ANAPC10: variants seen among roughly 807,000 people sequenced by gnomAD.
ANAPC10 encodes the protein anaphase promoting complex subunit 10, also known as anaphase-promoting complex subunit 10.
In ANAPC10, 12 loss-of-function variants were observed where a neutral mutation model predicts 22.0. The observed-to-expected ratio is 0.55, with a 90% CI of 0.35 to 0.88. The LOEUF is 0.88. ANAPC10 is among the 40% of genes least tolerant of loss of function. ANAPC10 has a pLI of 0.01. For synonymous variants in ANAPC10, 65 were observed against 69.5 expected (o/e 0.94, Z 0.32); for missense variants, 188 against 220.9 (o/e 0.85, Z 0.94).
chr4:145,088,440 A>T (rs1747207958), intron 2 of ANAPC10, among the ~76,000 whole-genome samples: 1 of 152,156 alleles, frequency 6.6e-6, no homozygotes, highest in Non-Finnish European at 1.5e-5. Flanking sequence ...TAAATTATTT[A>T]TTTTTTGACC....
chr4:145,072,679 T>TA (rs1169864359), intron 3 of ANAPC10, among the ~76,000 whole-genome samples: 1 of 152,168 alleles, frequency 6.6e-6, no homozygotes, highest in Non-Finnish European at 1.5e-5. Context: ...TCTCAAGTGC[T>TA]AAAAAAATCT....
chr4:145,056,876 A>G (rs1220222017), intron 4 of ANAPC10, among the ~76,000 whole-genome samples: 1 of 152,144 alleles, frequency 6.6e-6, no homozygotes, highest in Non-Finnish European at 1.5e-5. Context: ...CTATTGAATC[A>G]TATCCTGTCA....
At chr4:145,093,126 G>A (rs1042855673) in intron 2 of ANAPC10, among the ~76,000 whole-genome samples, 1 of 152,202 alleles carries the variant, frequency 6.6e-6, no homozygotes, top group African/African-American at 2.4e-5. Context: ...TAGGGCAAGA[G>A]CATGGCAAGA....
In ANAPC10 at chr4:145,096,157, T is replaced by C. The variant is rs1489171950; in HGVS notation, c.-12-46A>G. ...CACACATTGTATCAGGAACTGGGCA[T>C]CTTTCTACAAAAGTTTTTTACCAAG... On this transcript the variant is annotated intron_variant, in intron 1 of 4. Transcript: ENST00000507656. The C allele has an allele frequency of 1.9e-6, 3 of 1,578,612 alleles. No individual in the cohort carries two copies. In the African/African-American group the frequency reaches 4.1e-5, roughly 22 times the overall value.
chr4:145,095,456 C>T (rs1444365736), intron 2 of ANAPC10, among the ~76,000 whole-genome samples: 1 of 152,172 alleles, frequency 6.6e-6, no homozygotes, highest in Non-Finnish European at 1.5e-5. Flanking sequence ...TGACCGTTAG[C>T]CATCAACATC....
chr4:145,040,597 T>C lies in ANAPC10; in HGVS notation c.327+23975A>G, dbSNP rs146875163. 1.6e-3 allele frequency among the ~76,000 whole-genome samples: 248 copies of C among 152,350 alleles called. 1 individual carries two copies. The highest frequency in any genetic ancestry group is 5.6e-3 in the African/African-American group (231 of 41,584). On this transcript the variant is annotated intron_variant, in intron 4 of 4. Coordinates refer to ENST00000507656, the MANE Select transcript of ANAPC10 (RefSeq NM_001256706.2). ...CATCATATCTCCAATTTATAGTTAA[T>C]TTATAGGTAACTGAAGTTCATAGAA...
chr4:145,006,804 G>C (rs1169716921), intron 4 of ANAPC10, among the ~76,000 whole-genome samples: 2 of 151,852 alleles, frequency 1.3e-5, no homozygotes, highest in Non-Finnish European at 2.9e-5. Flanking sequence ...GTCCTGTTTT[G>C]TTGCCTCTGT....
intron 4 of ANAPC10, among the ~76,000 whole-genome samples, chr4:145,017,351 C>G (rs1735330485): frequency 6.6e-6 from 1 of 152,118 alleles, no homozygotes; most frequent in Non-Finnish European, 1.5e-5. Context: ...TTTATGCAGT[C>G]AACAGACACA....
chr4:145,069,296 T>C (rs906354461), intron 3 of ANAPC10, among the ~76,000 whole-genome samples: 3 of 150,264 alleles, frequency 2.0e-5, no homozygotes, highest in Middle Eastern at 7.0e-3. Context: ...AAGAGGGAGA[T>C]GCCAAAGAGA....
At chr4:145,001,631 G>A (rs1732583974) in intron 4 of ANAPC10, among the ~76,000 whole-genome samples, 1 of 152,132 alleles carries the variant, frequency 6.6e-6, no homozygotes, top group Admixed American at 6.5e-5. Flanking sequence ...CCCAAAGACT[G>A]CCAGGTCACT....
chr4:145,093,391 T>G (rs1190713842), intron 2 of ANAPC10, among the ~76,000 whole-genome samples: 2 of 151,724 alleles, frequency 1.3e-5, no homozygotes, highest in Admixed American at 1.3e-4. Flanking sequence ...TTTCAAGGTG[T>G]AAAAACTATT....
chr4:145,031,365 G>A (rs953605099), intron 4 of ANAPC10, among the ~76,000 whole-genome samples: 2 of 152,122 alleles, frequency 1.3e-5, no homozygotes, highest in African/African-American at 2.4e-5. Flanking sequence ...CGGGACCGTC[G>A]ACCTCAGTAA....
At chr4:145,026,945 A>ATATATATATATATATATATGTG (rs1287102797) in intron 4 of ANAPC10, among the ~76,000 whole-genome samples, 4 of 17,144 alleles carry the variant, frequency 2.3e-4, no homozygotes, top group Non-Finnish European at 4.7e-4. Context: ...ATATATATAT[A>ATATATATATATATATATATGTG]TGTGTGTGTG....
At chr4:145,072,236 C>G (rs1348796401) in intron 3 of ANAPC10, among the ~76,000 whole-genome samples, 1 of 152,140 alleles carries the variant, frequency 6.6e-6, no homozygotes, top group Non-Finnish European at 1.5e-5. Context: ...ATGCTCCCCA[C>G]CAAGTTCTCA....
chr4:145,058,799 C>A (rs1214546783), intron 4 of ANAPC10, among the ~76,000 whole-genome samples: 3 of 152,078 alleles, frequency 2.0e-5, no homozygotes, highest in Admixed American at 6.5e-5. Flanking sequence ...TGCATAGTTA[C>A]CTCAACTCCA....
intron 4 of ANAPC10, among the ~76,000 whole-genome samples, chr4:145,062,054 C>G (rs2126447104): frequency 6.7e-6 from 1 of 148,850 alleles, no homozygotes; most frequent in African/African-American, 2.5e-5. Flanking sequence ...CAGAGCAAGA[C>G]TCTGTCAAAA....
intron 2 of ANAPC10, among the ~76,000 whole-genome samples, chr4:145,087,271 G>A (rs1294608043): frequency 6.6e-6 from 1 of 152,158 alleles, no homozygotes; most frequent in Non-Finnish European, 1.5e-5. Context: ...GAGCAGCCCA[G>A]CTTAGACTGC....
intron 1 of ANAPC10, chr4:145,097,439 T>C (rs1358646112): frequency 2.4e-6 from 3 of 1,263,918 alleles, no homozygotes; most frequent in East Asian, 5.6e-5. Context: ...GCGCAGTTAC[T>C]GCTACTGAAC....
chr4:145,034,497 T>C (rs1738147693), intron 4 of ANAPC10, among the ~76,000 whole-genome samples: 1 of 141,774 alleles, frequency 7.1e-6, no homozygotes, highest in African/African-American at 2.8e-5. Context: ...TGTGATTCTG[T>C]AAGTTAACAC....
Sources: gnomAD v4.1 joint callset for allele counts (sites outside exome capture counted in the v4.1 genomes callset) on GRCh38, gnomAD v4.1.1 for gene constraint, MANE v1.5 for transcripts, NCBI Gene and HGNC (gene_info 2026-07-23, HGNC 2026-07-21) for gene names.